MBD5: variants seen among roughly 807,000 people sequenced by gnomAD.
The protein encoded by MBD5 is methyl-CpG binding domain protein 5.
MBD5 carries 13 observed loss-of-function variants against 117.3 expected under a neutral mutation model. The ratio of observed to expected loss-of-function variants is 0.11; its 90% CI spans 0.07 to 0.18. MBD5 has a LOEUF of 0.18. Among genes scored for constraint, MBD5 ranks in the 10% least tolerant of loss-of-function variants. The pLI, the probability that MBD5 is intolerant of heterozygous loss-of-function variation, is 1.00. For missense variants in MBD5, 1,879 were observed against 2,093.8 expected (o/e 0.90, Z 2.00); for synonymous variants, 727 against 766.4 (o/e 0.95, Z 0.85).
intron 3 of MBD5, among the ~76,000 whole-genome samples, chr2:148,239,433 A>G (rs1700162252): frequency 6.6e-6 from 1 of 152,128 alleles, no homozygotes; most frequent in Non-Finnish European, 1.5e-5. Flanking sequence ...ATGCCCTACG[A>G]CTTTAGAGAT....
At chr2:148,351,289 C>G (rs575420900) in intron 4 of MBD5, among the ~76,000 whole-genome samples, 1 of 152,038 alleles carries the variant, frequency 6.6e-6, no homozygotes, top group Non-Finnish European at 1.5e-5. Flanking sequence ...CAGTCCCAGG[C>G]AGGCAACCAC....
chr2:148,338,165 C>A (rs974920542), intron 3 of MBD5, among the ~76,000 whole-genome samples: 1 of 152,156 alleles, frequency 6.6e-6, no homozygotes, highest in Non-Finnish European at 1.5e-5. Flanking sequence ...AATAATTTTT[C>A]TAAAGGAATA....
intron 3 of MBD5, among the ~76,000 whole-genome samples, chr2:148,234,344 A>C (rs765094536): frequency 2.0e-5 from 3 of 152,160 alleles, no homozygotes; most frequent in Non-Finnish European, 4.4e-5. Flanking sequence ...TAAGTTTCAC[A>C]TAAGAGGAAT....
chr2:148,305,492 G>A (rs1357270548), intron 3 of MBD5, among the ~76,000 whole-genome samples: 1 of 152,118 alleles, frequency 6.6e-6, no homozygotes, highest in Non-Finnish European at 1.5e-5. Flanking sequence ...GAAGATTTCT[G>A]GTTATTGGGC....
intron 1 of MBD5, among the ~76,000 whole-genome samples, chr2:148,102,195 A>G (rs1045216078): frequency 1.2e-4 from 19 of 152,334 alleles, no homozygotes; most frequent in African/African-American, 4.6e-4. Context: ...ACAGGATGTT[A>G]TTTTCACCTA....
At chr2:148,311,585 G>T (rs1229830993) in intron 3 of MBD5, among the ~76,000 whole-genome samples, 1 of 152,088 alleles carries the variant, frequency 6.6e-6, no homozygotes, top group East Asian at 1.9e-4. Context: ...ACACTGATGG[G>T]TCCTGACTCT....
intron 1 of MBD5, among the ~76,000 whole-genome samples, chr2:148,134,617 C>A (rs1697132177): frequency 6.6e-6 from 1 of 152,170 alleles, no homozygotes; most frequent in Non-Finnish European, 1.5e-5. Context: ...ATTCTTCCCC[C>A]CAAATTAGAC....
At chr2:148,066,731 G>T (rs1447259709) in intron 1 of MBD5, among the ~76,000 whole-genome samples, 1 of 152,084 alleles carries the variant, frequency 6.6e-6, no homozygotes, top group Non-Finnish European at 1.5e-5. Flanking sequence ...ACCTGCCTTG[G>T]CCTCCCAAAG....
intron 4 of MBD5, among the ~76,000 whole-genome samples, chr2:148,448,246 C>T (rs1706626322): frequency 6.6e-6 from 1 of 152,092 alleles, no homozygotes; most frequent in South Asian, 2.1e-4. Flanking sequence ...TTTGGGCTCC[C>T]TTTTCTAAAA....
chr2:148,281,600 G>C (rs1369264440), intron 3 of MBD5, among the ~76,000 whole-genome samples: 1 of 151,466 alleles, frequency 6.6e-6, no homozygotes, highest in Non-Finnish European at 1.5e-5. Context: ...TCTTTCAATT[G>C]TGTTTGTTGA....
At chr2:148,139,922 A>C (rs1697273095) in intron 1 of MBD5, among the ~76,000 whole-genome samples, 1 of 152,210 alleles carries the variant, frequency 6.6e-6, no homozygotes, top group African/African-American at 2.4e-5. Context: ...AAACCTAAGC[A>C]TGCAAATTGT....
chr2:148,165,535 A>G (rs922345215), intron 1 of MBD5, among the ~76,000 whole-genome samples: 3 of 152,070 alleles, frequency 2.0e-5, no homozygotes, highest in Admixed American at 2.0e-4. Flanking sequence ...CTCTGTTGCA[A>G]CTAGCCAATG....
intron 4 of MBD5, among the ~76,000 whole-genome samples, chr2:148,425,797 C>T (rs1376474134): frequency 6.6e-6 from 1 of 152,204 alleles, no homozygotes; most frequent in Non-Finnish European, 1.5e-5. Context: ...ATGTGATTAT[C>T]TCAATAGATG....
chr2:148,053,910 C>CTTTTTTTTTTTTTTT (rs35830585), intron 1 of MBD5: 1 of 136,666 alleles, frequency 7.3e-6, no homozygotes, highest in Non-Finnish European at 1.6e-5. Context: ...TTCTTTTTTT[C>CTTTTTTTTTTTTTTT]TTTTTTTTTT....
chr2:148,310,401 A>G (rs138242003), intron 3 of MBD5, among the ~76,000 whole-genome samples: 3,002 of 152,140 alleles, frequency 0.02, 108 homozygotes, highest in African/African-American at 0.069. Context: ...GAATTTATCA[A>G]TTTCTTCTAC....
At chr2:148,309,396 A>G (rs1701973418) in intron 3 of MBD5, among the ~76,000 whole-genome samples, 1 of 151,888 alleles carries the variant, frequency 6.6e-6, no homozygotes. Flanking sequence ...ATTCCTAGGT[A>G]TTTTATTCTC....
At chr2:148,455,295 C>T (rs948163670) in intron 4 of MBD5, among the ~76,000 whole-genome samples, 1 of 152,190 alleles carries the variant, frequency 6.6e-6, no homozygotes, top group African/African-American at 2.4e-5. Context: ...TACTCCATCC[C>T]CAAACCCTGG....
At chr2:148,196,807 A>G (rs1699000240) in intron 2 of MBD5, among the ~76,000 whole-genome samples, 1 of 152,170 alleles carries the variant, frequency 6.6e-6, no homozygotes, top group Non-Finnish European at 1.5e-5. Context: ...CAGACAAAGT[A>G]GGCTCTTTTA....
rs550977952 is a variant in MBD5 at position 148,413,987 on chromosome 2, T to C, written c.-556-44216T>C. Reference sequence around the variant, plus strand: ...GCCTCTTAATTTATTTCATTTGATTTTGGTTATTTGTCTTCTGCTGGCATT... The same window carrying C: ...GCCTCTTAATTTATTTCATTTGATTCTGGTTATTTGTCTTCTGCTGGCATT... On this transcript the variant is annotated intron_variant, in intron 4 of 13. Transcript: ENST00000642680. Among the ~76,000 whole-genome samples, 6 of 152,006 alleles carry C rather than the reference T, an allele frequency of 3.9e-5. No individual in the cohort carries two copies. In the South Asian group the frequency reaches 8.3e-4, roughly 21 times the overall value.
Sources: gnomAD v4.1 joint callset for allele counts (sites outside exome capture counted in the v4.1 genomes callset) on GRCh38, gnomAD v4.1.1 for gene constraint, MANE v1.5 for transcripts, NCBI Gene and HGNC (gene_info 2026-07-23, HGNC 2026-07-21) for gene names.